The following PC variants were observed in gnomAD, a reference collection of about 807,000 sequenced individuals.
PC encodes the protein pyruvate carboxylase.
In PC, 46 loss-of-function variants were observed where a neutral mutation model predicts 107.8. That is an observed-to-expected ratio of 0.43 (90% CI 0.34 to 0.55). PC has a LOEUF of 0.55. Among genes scored for constraint, PC ranks in the 20% least tolerant of loss-of-function variants. The probability of loss-of-function intolerance (pLI) is 0.04; values close to 1 mark genes in which losing one functional copy is unlikely to be tolerated. For missense variants in PC, 1,241 were observed against 1,643.1 expected (o/e 0.76, Z 4.23); for synonymous variants, 662 against 684.7 (o/e 0.97, Z 0.52).
At position 66,866,976 on chromosome 11, in the gene PC, T is replaced by A. The variant is rs1277296399; in HGVS notation, c.1023-627A>T. ...ACTTGTGCCCAAAACCCCCTAGAGA[T>A]GCTTGGAGAGTGCAAGCTTCCCCAC... On this transcript the variant is annotated intron_variant, in intron 10 of 22. Transcript: ENST00000393960. The surrounding 1 kb of genome is among the most constrained non-coding windows in gnomAD (Gnocchi z 5.4). Among the ~76,000 whole-genome samples, 1 of 152,138 alleles carries A rather than the reference T, an allele frequency of 6.6e-6. No homozygotes were observed. Among genetic ancestry groups the A allele is most frequent in the Non-Finnish European group, 1.5e-5 (1 of 68,022 alleles).
chr11:66,851,873 G>T lies in PC; in HGVS notation c.1899C>A (p.Leu633=), dbSNP rs780830234. The T allele has an allele frequency of 1.9e-5, 31 of 1,614,060 alleles. No individual in the cohort carries two copies. Among genetic ancestry groups the T allele is most frequent in the Non-Finnish European group, 2.5e-5 (29 of 1,179,978 alleles). ...GCATCTGGAAAGGGATGTTGGGGAT[G>T]AGCTCCCGGAGCTCCTGCAGCCGCC... ...PWRRLQELRE[L]IPNIPFQMLL... is the part of the protein sequence containing the mutation. Residue 633 remains leucine, a synonymous_variant, in exon 16 of 23, where the codon CTC becomes CTA. Transcript: ENST00000393960.
At chr11:66,878,441 A>G (rs79308995) in intron 3 of PC, among the ~76,000 whole-genome samples, 6,121 of 152,350 alleles carry the variant, frequency 0.04, 195 homozygotes, top group African/African-American at 0.089. Flanking sequence ...GGTCACCTCC[A>G]GAGCCTCTGG....
intron 3 of PC, among the ~76,000 whole-genome samples, chr11:66,946,062 C>T (rs932750018): frequency 7.1e-5 from 10 of 141,174 alleles, no homozygotes; most frequent in African/African-American, 1.1e-4. Context: ...GTCCGCAGTC[C>T]GGCCTGGGCG....
chr11:66,922,883 G>A (rs1948627208), intron 3 of PC, among the ~76,000 whole-genome samples: 1 of 152,208 alleles, frequency 6.6e-6, no homozygotes, highest in African/African-American at 2.4e-5. Context: ...TCTCAGACAG[G>A]GAGGCAAAGG....
intron 12 of PC, chr11:66,860,658 G>A (rs1378023178): frequency 5.7e-6 from 4 of 701,672 alleles, no homozygotes; most frequent in Non-Finnish European, 1.0e-5. Flanking sequence ...GCTGTGCCTG[G>A]TGTCTTCTGA....
At chr11:66,937,771 G>GGTTTTTTTGTTT (rs1949034052) in intron 3 of PC, among the ~76,000 whole-genome samples, 1 of 146,754 alleles carries the variant, frequency 6.8e-6, no homozygotes, top group Non-Finnish European at 1.5e-5. Flanking sequence ...GAATTTCTGG[G>GGTTTTTTTGTTT]TTTTTTTTGT....
intron 3 of PC, among the ~76,000 whole-genome samples, chr11:66,873,767 G>A (rs1331842494): frequency 6.7e-6 from 1 of 150,012 alleles, no homozygotes; most frequent in Non-Finnish European, 1.5e-5. Context: ...CTAACCATCT[G>A]ATTCATTTCT....
intron 12 of PC, among the ~76,000 whole-genome samples, chr11:66,860,886 C>T (rs1467992944): frequency 2.6e-5 from 4 of 152,158 alleles, no homozygotes; most frequent in African/African-American, 4.8e-5. Context: ...TCTGGGAGAA[C>T]GGACCTGGGC....
chr11:66,938,583 T>C (rs2136126419), intron 3 of PC, among the ~76,000 whole-genome samples: 1 of 152,172 alleles, frequency 6.6e-6, no homozygotes, highest in South Asian at 2.1e-4. Context: ...AAACATCCTA[T>C]AAAGAAAAAA....
At chr11:66,903,765 A>AT (rs1396390102) in intron 3 of PC, among the ~76,000 whole-genome samples, 169 of 122,370 alleles carry the variant, frequency 1.4e-3, no homozygotes, top group South Asian at 2.2e-3. Context: ...AAAAAAAAAA[A>AT]AAAAAAAAAT....
chr11:66,863,412 C>T (rs530809433), intron 12 of PC, among the ~76,000 whole-genome samples: 1 of 152,300 alleles, frequency 6.6e-6, no homozygotes, highest in Non-Finnish European at 1.5e-5. Context: ...CCTGTGGGAT[C>T]AGGATTTCCA....
At chr11:66,916,034 G>A (rs1948455211) in intron 3 of PC, among the ~76,000 whole-genome samples, 1 of 152,136 alleles carries the variant, frequency 6.6e-6, no homozygotes, top group African/African-American at 2.4e-5. Flanking sequence ...CACACCAACT[G>A]TGTTTCTTTC....
At chr11:66,883,811 C>T (rs1257752917) in intron 3 of PC, among the ~76,000 whole-genome samples, 2 of 152,046 alleles carry the variant, frequency 1.3e-5, no homozygotes, top group African/African-American at 2.4e-5. Context: ...CACCGTGAGG[C>T]GTGGTGGCTC....
At chr11:66,923,642 T>C (rs569484118) in intron 3 of PC, among the ~76,000 whole-genome samples, 4 of 151,780 alleles carry the variant, frequency 2.6e-5, no homozygotes, top group South Asian at 4.1e-4. Flanking sequence ...GTCACCCAAG[T>C]AGCTGGGATT....
chr11:66,913,588 G>A (rs1948394937), intron 3 of PC, among the ~76,000 whole-genome samples: 1 of 151,726 alleles, frequency 6.6e-6, no homozygotes, highest in Admixed American at 6.6e-5. Context: ...CTTGAACCTG[G>A]GAGGCGGAGG....
At chr11:66,865,773 C>A (rs1312012289) in intron 11 of PC, among the ~76,000 whole-genome samples, 3 of 152,144 alleles carry the variant, frequency 2.0e-5, no homozygotes, top group Non-Finnish European at 4.4e-5. Flanking sequence ...GACCTCTGGG[C>A]CCAGTCCTTT....
At chr11:66,887,538 A>G in intron 3 of PC, among the ~76,000 whole-genome samples, 1 of 152,224 alleles carries the variant, frequency 6.6e-6, no homozygotes, top group Non-Finnish European at 1.5e-5. Context: ...TAAATAGAGA[A>G]TTAGAAGATA....
chr11:66,954,859 C>T (rs1026415482), intron 1 of PC, among the ~76,000 whole-genome samples: 1 of 152,026 alleles, frequency 6.6e-6, no homozygotes, highest in African/African-American at 2.4e-5. Context: ...AGGAGAATCA[C>T]TTGAATCCGG....
In PC at chr11:66,870,524, C is replaced by G; in HGVS notation, c.752-71G>C. ...CGCCTCCTAAATGCCCCATCACCCC[C>G]ACATAACCACTGTCGCCAGTCAGTG... On this transcript the variant is annotated intron_variant, in intron 8 of 22. Coordinates refer to ENST00000393960, the MANE Select transcript of PC (RefSeq NM_001040716.2). This position sits in a 1 kb window ranked among gnomAD's most constrained non-coding sequence, Gnocchi z 6.1. 6.5e-7 allele frequency: 1 copy of G among 1,543,592 alleles called. No homozygotes were observed.
Sources: allele counts gnomAD v4.1 joint callset (sites outside exome capture counted in the v4.1 genomes callset), GRCh38; gene constraint gnomAD v4.1.1; non-coding constraint Gnocchi (gnomAD v3.1); transcripts MANE v1.5; gene names NCBI Gene and HGNC (gene_info 2026-07-23, HGNC 2026-07-21).